Variants in DYM observed in about 807,000 individuals in gnomAD.
The protein encoded by DYM is dymeclin.
In DYM, 78 loss-of-function variants were observed where a neutral mutation model predicts 93.1. The ratio of observed to expected loss-of-function variants is 0.84; its 90% CI spans 0.70 to 1.01. The LOEUF (loss-of-function observed/expected upper bound fraction) is 1.01. Ranked by LOEUF, DYM falls within the 50% of genes least tolerant of loss-of-function variation. The pLI, the probability that DYM is intolerant of heterozygous loss-of-function variation, is 0.00. For missense variants in DYM, 789 were observed against 845.0 expected, an observed-to-expected ratio of 0.93 and a Z score of 0.82; for synonymous variants, 321 against 319.7, an observed-to-expected ratio of 1.00 and a Z score of -0.04.
At chr18:49,203,178 TG>T (rs1260813751) in intron 14 of DYM, among the ~76,000 whole-genome samples, 3 of 72,204 alleles carry the variant, frequency 4.2e-5, no homozygotes, top group Non-Finnish European at 5.8e-5. Context: ...GGAGGGAGGT[TG>T]GGGGGTCAGC....
At chr18:49,075,023 C>T (rs1213382266) in intron 17 of DYM, among the ~76,000 whole-genome samples, 4 of 152,148 alleles carry the variant, frequency 2.6e-5, no homozygotes, top group Admixed American at 2.0e-4. Flanking sequence ...ATGGGGGAGA[C>T]AGACAGGCTG....
intron 2 of DYM, among the ~76,000 whole-genome samples, chr18:49,416,672 C>A (rs2073028370): frequency 6.6e-6 from 1 of 152,144 alleles, no homozygotes; most frequent in African/African-American, 2.4e-5. Context: ...TTCAGCACAT[C>A]ACAGGTATAT....
intron 14 of DYM, among the ~76,000 whole-genome samples, chr18:49,195,667 T>C (rs1384219049): frequency 6.6e-6 from 1 of 152,122 alleles, no homozygotes; most frequent in Admixed American, 6.6e-5. Context: ...AAGTTTTGTG[T>C]TTTTAGGAGG....
chr18:49,343,220 A>C (rs1568285258), intron 6 of DYM, among the ~76,000 whole-genome samples: 2 of 152,174 alleles, frequency 1.3e-5, no homozygotes, highest in South Asian at 4.1e-4. Flanking sequence ...GGAGTCCTTA[A>C]CTCAGCCTCT....
At chr18:49,193,654 T>A (rs963908545) in intron 14 of DYM, among the ~76,000 whole-genome samples, 4 of 152,184 alleles carry the variant, frequency 2.6e-5, no homozygotes, top group Admixed American at 1.3e-4. Context: ...TAAGCACATG[T>A]GTGGTGAGAT....
intron 13 of DYM, among the ~76,000 whole-genome samples, chr18:49,227,704 G>A (rs1389219013): frequency 1.3e-5 from 2 of 152,108 alleles, no homozygotes; most frequent in Admixed American, 1.3e-4. Context: ...GATGGGTGGA[G>A]ATGAAAAGAC....
intron 14 of DYM, among the ~76,000 whole-genome samples, chr18:49,169,280 T>C (rs1346849428): frequency 2.0e-5 from 3 of 152,096 alleles, no homozygotes; most frequent in African/African-American, 7.2e-5. Context: ...GGCAATCACT[T>C]TGGGAGATGA....
chr18:49,281,458 G>A (rs7231552), intron 10 of DYM, among the ~76,000 whole-genome samples: 104,689 of 152,000 alleles, frequency 0.69, 36,403 homozygotes, highest in Admixed American at 0.74. Flanking sequence ...ACTGGGTATA[G>A]ACCCAAAGGA....
intron 8 of DYM, among the ~76,000 whole-genome samples, chr18:49,298,023 G>C (rs2060668253): frequency 6.6e-6 from 1 of 152,094 alleles, no homozygotes; most frequent in African/African-American, 2.4e-5. Context: ...GGGGAAAAAA[G>C]GGTCACTAAT....
chr18:49,399,810 A>G (rs2070557074), intron 2 of DYM, among the ~76,000 whole-genome samples: 1 of 152,038 alleles, frequency 6.6e-6, no homozygotes, highest in South Asian at 2.1e-4. Flanking sequence ...TTACCAGGAG[A>G]CAGAATTATT....
intron 15 of DYM, among the ~76,000 whole-genome samples, chr18:49,136,972 G>A (rs2083922079): frequency 1.3e-5 from 2 of 152,144 alleles, no homozygotes. Context: ...AGAAAACATT[G>A]AGTACTCATA....
intron 6 of DYM, among the ~76,000 whole-genome samples, chr18:49,351,763 C>T (rs2065138494): frequency 6.6e-6 from 1 of 152,118 alleles, no homozygotes; most frequent in Non-Finnish European, 1.5e-5. Context: ...AAGACAAATA[C>T]ATACAAATAT....
chr18:49,157,847 T>G (rs1011099457), intron 15 of DYM, among the ~76,000 whole-genome samples: 2 of 152,214 alleles, frequency 1.3e-5, no homozygotes, highest in African/African-American at 4.8e-5. Context: ...CCCAAAGTCA[T>G]GAAGGTTTAA....
intron 14 of DYM, among the ~76,000 whole-genome samples, chr18:49,174,343 GTATTAT>G (rs1033827068): frequency 6.6e-6 from 1 of 152,066 alleles, no homozygotes; most frequent in South Asian, 2.1e-4. Flanking sequence ...AATGAAGACA[GTATTAT>G]TATTAACATC....
intron 1 of DYM, among the ~76,000 whole-genome samples, chr18:49,431,264 G>A (rs2080295542): frequency 6.6e-6 from 1 of 152,218 alleles, no homozygotes; most frequent in South Asian, 2.1e-4. Context: ...TCATTCTGCT[G>A]TAGGGCACAT....
At position 49,440,474 on chromosome 18, in the gene DYM, T is replaced by C. The variant is rs935029114; in HGVS notation, c.-53-10027A>G. Among the ~76,000 whole-genome samples, 27 of 94,804 alleles carry C rather than the reference T, an allele frequency of 2.8e-4. 1 individual carries two copies. The highest frequency in any genetic ancestry group is 4.6e-4 in the Non-Finnish European group (24 of 52,110). 62.2% of individuals were successfully genotyped at this position (94,804 alleles called of 152,430 possible). ...ATTATATATTTATATAATATATGACTATATATTATATATTTATATAATATA... is the reference window on the plus strand; with the variant it reads ...ATTATATATTTATATAATATATGACCATATATTATATATTTATATAATATA... On this transcript the variant is annotated intron_variant, in intron 1 of 17. Coordinates refer to ENST00000675505, the MANE Select transcript of DYM (RefSeq NM_001353214.3).
intron 14 of DYM, among the ~76,000 whole-genome samples, chr18:49,190,685 T>C (rs527920287): frequency 6.6e-6 from 1 of 152,320 alleles, no homozygotes; most frequent in South Asian, 2.1e-4. Flanking sequence ...AAAGTGTACA[T>C]ACAGTGCCTT....
chr18:49,421,273 C>T (rs980263912), intron 2 of DYM, among the ~76,000 whole-genome samples: 3 of 152,254 alleles, frequency 2.0e-5, no homozygotes, highest in South Asian at 2.1e-4. Flanking sequence ...ACACCTCATA[C>T]GGCCAGGTGC....
intron 16 of DYM, among the ~76,000 whole-genome samples, chr18:49,101,010 C>A (rs376080171): frequency 3.9e-5 from 6 of 152,186 alleles, no homozygotes; most frequent in African/African-American, 1.4e-4. Flanking sequence ...CAGCAAAGAA[C>A]GTGAAACAAT....
Sources: gnomAD v4.1 joint callset for allele counts (sites outside exome capture counted in the v4.1 genomes callset) on GRCh38, gnomAD v4.1.1 for gene constraint, MANE v1.5 for transcripts, NCBI Gene and HGNC (gene_info 2026-07-23, HGNC 2026-07-21) for gene names.